Variants in UBR3 observed in about 807,000 individuals in gnomAD.
UBR3 encodes the protein ubiquitin protein ligase E3 component n-recognin 3.
UBR3 carries 85 observed loss-of-function variants against 243.2 expected under a neutral mutation model. That is an observed-to-expected ratio of 0.35 (90% CI 0.29 to 0.42). UBR3 has a LOEUF of 0.42. Ranked by LOEUF, UBR3 falls within the 10% of genes least tolerant of loss-of-function variation. UBR3 has a pLI of 1.00. For missense variants in UBR3, 1,686 were observed against 2,300.8 expected (o/e 0.73, Z 5.47); for synonymous variants, 748 against 799.8 (o/e 0.94, Z 1.09).
chr2:169,874,836 CT>C (rs1468210866), intron 2 of UBR3, among the ~76,000 whole-genome samples: 1 of 152,216 alleles, frequency 6.6e-6, no homozygotes, highest in East Asian at 1.9e-4. Context: ...TCCATTACCT[CT>C]TTTATAGGTG....
chr2:169,982,934 G>A (rs2088807537), intron 24 of UBR3, among the ~76,000 whole-genome samples: 1 of 152,160 alleles, frequency 6.6e-6, no homozygotes, highest in Non-Finnish European at 1.5e-5. Context: ...CAGACCCATG[G>A]GCTGAATTGT....
At chr2:169,905,511 C>CT (rs1265536136) in intron 9 of UBR3, among the ~76,000 whole-genome samples, 1 of 152,018 alleles carries the variant, frequency 6.6e-6, no homozygotes, top group African/African-American at 2.4e-5. Flanking sequence ...AGGAGTATAA[C>CT]TTTTTAAGCA....
At chr2:169,884,391 A>T (rs2105319523) in intron 5 of UBR3, among the ~76,000 whole-genome samples, 1 of 152,210 alleles carries the variant, frequency 6.6e-6, no homozygotes, top group East Asian at 1.9e-4. Flanking sequence ...TGACCTCGTA[A>T]TCTGCCCTGG....
At chr2:169,937,281 G>A (rs1222524503) in intron 19 of UBR3, among the ~76,000 whole-genome samples, 6 of 152,166 alleles carry the variant, frequency 3.9e-5, no homozygotes, top group Admixed American at 2.0e-4. Flanking sequence ...TTTTTCATAT[G>A]TCTGTTGGCT....
At chr2:169,899,864 T>C (rs1574154661) in intron 8 of UBR3, among the ~76,000 whole-genome samples, 1 of 152,298 alleles carries the variant, frequency 6.6e-6, no homozygotes. Context: ...TATTCCATGG[T>C]GTATATGTGC....
At chr2:169,841,185 CT>C (rs2082275757) in intron 1 of UBR3, among the ~76,000 whole-genome samples, 1 of 152,098 alleles carries the variant, frequency 6.6e-6, no homozygotes, top group African/African-American at 2.4e-5. Context: ...CATTCTATGT[CT>C]TTTTTGATTA....
intron 25 of UBR3, among the ~76,000 whole-genome samples, chr2:169,992,843 C>G (rs1050446715): frequency 1.3e-5 from 2 of 152,152 alleles, no homozygotes; most frequent in East Asian, 1.9e-4. Context: ...TCACTGCAAC[C>G]CCAGCCTCCC....
chr2:170,005,006 G>A (rs932637077), intron 27 of UBR3, among the ~76,000 whole-genome samples: 4 of 152,128 alleles, frequency 2.6e-5, no homozygotes, highest in African/African-American at 9.7e-5. Flanking sequence ...GATGGATCAC[G>A]AGGTCAGGAG....
intron 20 of UBR3, among the ~76,000 whole-genome samples, chr2:169,943,558 G>A (rs1465082671): frequency 6.6e-6 from 1 of 152,120 alleles, no homozygotes; most frequent in East Asian, 1.9e-4. Flanking sequence ...CCCAGATTGT[G>A]CCACTGCACT....
At chr2:169,853,786 T>G (rs201024357) in intron 1 of UBR3, among the ~76,000 whole-genome samples, 1 of 148,540 alleles carries the variant, frequency 6.7e-6, no homozygotes, top group Non-Finnish European at 1.5e-5. Flanking sequence ...GTTTTTTTTT[T>G]GTTTTGTTTT....
chr2:169,931,063 C>T (rs1303498618), intron 18 of UBR3, among the ~76,000 whole-genome samples: 2 of 152,014 alleles, frequency 1.3e-5, no homozygotes, highest in African/African-American at 2.4e-5. Context: ...AAGAGAAGGA[C>T]GATCAAGGCC....
chr2:169,836,653 A>C (rs1007605713), intron 1 of UBR3, among the ~76,000 whole-genome samples: 8 of 152,124 alleles, frequency 5.3e-5, no homozygotes, highest in Admixed American at 6.5e-5. Context: ...AAAAAAACCA[A>C]AAGACACTTG....
intron 23 of UBR3, among the ~76,000 whole-genome samples, chr2:169,953,466 T>C (rs1343333326): frequency 6.6e-6 from 1 of 152,206 alleles, no homozygotes; most frequent in Admixed American, 6.5e-5. Context: ...CATTAGATGG[T>C]TGTAATAAAA....
chr2:169,844,597 G>A lies in UBR3; in HGVS notation c.545+16545G>A, dbSNP rs145697110. Among the ~76,000 whole-genome samples, 11 of 150,624 alleles carry A rather than the reference G, an allele frequency of 7.3e-5. No individual in the cohort carries two copies. In the East Asian group the frequency reaches 2.2e-3, roughly 30 times the overall value. ...CAACCTCTGCCTCCTGGGTTCAAGC[G>A]ATTCTTCCTCCTCAGCCTCCCCAGT... On this transcript the variant is annotated intron_variant, in intron 1 of 38. Transcript: ENST00000272793.
chr2:169,877,686 AC>A (rs1005387408), intron 4 of UBR3, 49 bp downstream of exon 4: 2 of 1,484,510 alleles, frequency 1.3e-6, no homozygotes, highest in African/African-American at 1.4e-5. Flanking sequence ...CTGTATTAAA[AC>A]CAAAAAAACC....
chr2:169,859,742 G>A (rs891353084), intron 1 of UBR3, among the ~76,000 whole-genome samples: 13 of 151,228 alleles, frequency 8.6e-5, no homozygotes, highest in Admixed American at 5.9e-4. Context: ...TTGAGATGGA[G>A]TTTCACTTTT....
At chr2:169,965,534 A>G (rs540596256) in intron 24 of UBR3, among the ~76,000 whole-genome samples, 1 of 152,312 alleles carries the variant, frequency 6.6e-6, no homozygotes, top group Admixed American at 6.5e-5. Context: ...ATAATAAAAT[A>G]GAACAATTAC....
chr2:170,012,102 A>G (rs2090100764), intron 29 of UBR3, among the ~76,000 whole-genome samples: 1 of 152,142 alleles, frequency 6.6e-6, no homozygotes, highest in Admixed American at 6.6e-5. Flanking sequence ...AATAGAGTGA[A>G]TGTACCTTCA....
At chr2:169,943,569 C>A (rs543495484) in intron 20 of UBR3, among the ~76,000 whole-genome samples, 4 of 151,942 alleles carry the variant, frequency 2.6e-5, no homozygotes, top group Non-Finnish European at 5.9e-5. Context: ...CCACTGCACT[C>A]CAGCCTGGGT....
Sources: allele counts gnomAD v4.1 joint callset (sites outside exome capture counted in the v4.1 genomes callset), GRCh38; gene constraint gnomAD v4.1.1; transcripts MANE v1.5; gene names NCBI Gene and HGNC (gene_info 2026-07-23, HGNC 2026-07-21).